The following FMN2 variants were observed in gnomAD, a reference collection of about 807,000 sequenced individuals.
FMN2 encodes formin 2.
A neutral mutation model predicts 142.3 loss-of-function variants in FMN2; 51 were observed. That is an observed-to-expected ratio of 0.36 (90% CI 0.29 to 0.45). FMN2 has a LOEUF of 0.45. Ranked by LOEUF, FMN2 falls within the 20% of genes least tolerant of loss-of-function variation. The probability of loss-of-function intolerance (pLI) is 1.00; values close to 1 mark genes in which losing one functional copy is unlikely to be tolerated. For synonymous variants in FMN2, 882 were observed against 869.8 expected, an observed-to-expected ratio of 1.01 and a Z score of -0.25; for missense variants, 1,936 against 2,122.8, an observed-to-expected ratio of 0.91 and a Z score of 1.73.
At chr1:240,170,569 G>A in intron 2 of FMN2, 1 of 1,564,372 alleles carries the variant, frequency 6.4e-7, no homozygotes, top group Non-Finnish European at 8.8e-7. Context: ...TACTTGCAAA[G>A]GAAAGACAAT....
At chr1:240,142,612 C>G in intron 2 of FMN2, 1 of 1,507,014 alleles carries the variant, frequency 6.6e-7, no homozygotes, top group Non-Finnish European at 9.1e-7. Flanking sequence ...CCCTTGGCAG[C>G]AGGATGCATG....
intron 15 of FMN2, among the ~76,000 whole-genome samples, chr1:240,417,479 T>C (rs889319863): frequency 6.6e-6 from 1 of 152,030 alleles, no homozygotes; most frequent in Non-Finnish European, 1.5e-5. Flanking sequence ...TGAATTCAGA[T>C]GGAAAACCTG....
chr1:240,171,243 C>T, intron 2 of FMN2: 2 of 767,778 alleles, frequency 2.6e-6, no homozygotes, highest in Non-Finnish European at 4.8e-6. Flanking sequence ...TTAACAAAGC[C>T]TTTGAACTGT....
chr1:240,421,042 G>A (rs374847031), intron 15 of FMN2, among the ~76,000 whole-genome samples: 4 of 152,098 alleles, frequency 2.6e-5, no homozygotes, highest in Non-Finnish European at 4.4e-5. Flanking sequence ...AAGTTTTGTC[G>A]AAGCCAATGG....
intron 2 of FMN2, among the ~76,000 whole-genome samples, chr1:240,131,640 C>T (rs538837895): frequency 2.0e-5 from 3 of 151,918 alleles, no homozygotes; most frequent in South Asian, 2.1e-4. Context: ...ACCCAGGAGG[C>T]GGAGGTTGCA....
Position 240,092,869 on chromosome 1 carries a change from C to A in FMN2, c.760C>A (p.Leu254Met), listed in dbSNP as rs763166094. 6 of 1,534,772 alleles carry A rather than the reference C, an allele frequency of 3.9e-6. No individual in the cohort carries two copies. In the East Asian group the frequency reaches 1.5e-4, roughly 37 times the overall value. The change falls in exon 1 of 18, where the codon CTG (leucine) becomes ATG (methionine). Residue 254 changes from leucine to methionine, a missense_variant. Leu to Met is a conservative substitution (Grantham distance 15). Transcript: ENST00000319653. ...GAFLGLDRFL[L>M]GPSGGAGEAP... ...CTTCCTGGGCCTGGACCGGTTCCTG[C>A]TGGGGCCGAGCGGCGGGGCTGGGGA...
At chr1:240,117,347 G>C (rs1437022458) in intron 1 of FMN2, among the ~76,000 whole-genome samples, 2 of 152,166 alleles carry the variant, frequency 1.3e-5, no homozygotes, top group Non-Finnish European at 2.9e-5. Flanking sequence ...GCCTCCTTGA[G>C]GTATATAGCT....
intron 6 of FMN2, among the ~76,000 whole-genome samples, chr1:240,247,964 A>C (rs976396152): frequency 6.6e-6 from 1 of 152,102 alleles, no homozygotes; most frequent in African/African-American, 2.4e-5. Context: ...GAACATTTCA[A>C]GTCCTTTCTT....
At chr1:240,317,085 T>C (rs1670809622) in intron 8 of FMN2, among the ~76,000 whole-genome samples, 1 of 152,072 alleles carries the variant, frequency 6.6e-6, no homozygotes, top group African/African-American at 2.4e-5. Context: ...GGCGGGCTGA[T>C]CACGAGGTCT....
At chr1:240,318,696 A>G (rs184067139) in intron 8 of FMN2, among the ~76,000 whole-genome samples, 1 of 152,340 alleles carries the variant, frequency 6.6e-6, no homozygotes, top group African/African-American at 2.4e-5. Flanking sequence ...AAAAACAATC[A>G]CATTAAGTAC....
At chr1:240,132,782 G>A (rs12123407) in intron 2 of FMN2, among the ~76,000 whole-genome samples, 54,440 of 151,998 alleles carry the variant, frequency 0.36, 9,808 homozygotes, top group Middle Eastern at 0.4. Flanking sequence ...CTAGATTAGA[G>A]GGTCGCGGTA....
chr1:240,353,673 T>G (rs1672170113), intron 13 of FMN2, among the ~76,000 whole-genome samples: 1 of 152,210 alleles, frequency 6.6e-6, no homozygotes, highest in South Asian at 2.1e-4. Context: ...TCTTTGTAGT[T>G]CATTTTTCGC....
intron 15 of FMN2, among the ~76,000 whole-genome samples, chr1:240,397,073 A>G (rs2103104347): frequency 6.6e-6 from 1 of 152,348 alleles, no homozygotes; most frequent in East Asian, 1.9e-4. Context: ...CATTCCCACC[A>G]ACAGTGTACA....
intron 2 of FMN2, among the ~76,000 whole-genome samples, chr1:240,164,930 C>T (rs1393573797): frequency 2.0e-5 from 3 of 152,124 alleles, no homozygotes; most frequent in African/African-American, 4.8e-5. Context: ...TCCAATTATA[C>T]ATAAGTTAGA....
At chr1:240,156,977 G>A (rs1283173352) in intron 2 of FMN2, among the ~76,000 whole-genome samples, 1 of 152,106 alleles carries the variant, frequency 6.6e-6, no homozygotes, top group Non-Finnish European at 1.5e-5. Context: ...CAGAATAATA[G>A]AATTATTCAA....
At chr1:240,222,050 G>A (rs1315703846) in intron 6 of FMN2, among the ~76,000 whole-genome samples, 1 of 147,506 alleles carries the variant, frequency 6.8e-6, no homozygotes, top group African/African-American at 2.5e-5. Context: ...GTAGAGATGG[G>A]GTTTCACTAT....
intron 2 of FMN2, among the ~76,000 whole-genome samples, chr1:240,146,676 T>C (rs1663497669): frequency 6.6e-6 from 1 of 151,998 alleles, no homozygotes; most frequent in Non-Finnish European, 1.5e-5. Context: ...AATAAATAAA[T>C]AAATGAATAA....
At chr1:240,321,345 T>C (rs531004548) in intron 8 of FMN2, among the ~76,000 whole-genome samples, 1 of 152,300 alleles carries the variant, frequency 6.6e-6, no homozygotes, top group African/African-American at 2.4e-5. Flanking sequence ...TTGGAAGTCT[T>C]TTATCCACCA....
At chr1:240,369,552 G>A (rs1414965662) in intron 14 of FMN2, among the ~76,000 whole-genome samples, 3 of 151,946 alleles carry the variant, frequency 2.0e-5, no homozygotes, top group African/African-American at 4.8e-5. Context: ...TGTGAACTCC[G>A]GATTGTAAAT....
Sources: allele counts gnomAD v4.1 joint callset (sites outside exome capture counted in the v4.1 genomes callset), GRCh38; gene constraint gnomAD v4.1.1; transcripts MANE v1.5; gene names NCBI Gene and HGNC (gene_info 2026-07-23, HGNC 2026-07-21).